Variants in DNAJC1 observed in about 807,000 individuals in gnomAD.
The protein encoded by DNAJC1 is DnaJ heat shock protein family (Hsp40) member C1.
Under a neutral mutation model 76.6 loss-of-function variants are expected in DNAJC1, and 58 were observed. The observed-to-expected ratio is 0.76, with a 90% confidence interval of 0.61 to 0.94. The LOEUF (loss-of-function observed/expected upper bound fraction) is 0.94. Ranked by LOEUF, DNAJC1 falls within the 40% of genes least tolerant of loss-of-function variation. The pLI, the probability that DNAJC1 is intolerant of heterozygous loss-of-function variation, is 0.00. For missense variants in DNAJC1, 689 were observed against 677.3 expected, an observed-to-expected ratio of 1.02 and a Z score of -0.19; for synonymous variants, 258 against 267.9, an observed-to-expected ratio of 0.96 and a Z score of 0.36.
At chr10:21,919,971 T>C (rs962921428) in intron 4 of DNAJC1, 42 bp from the exon 5 acceptor site, 7 of 1,275,230 alleles carry the variant, frequency 5.5e-6, no homozygotes, top group Admixed American at 4.2e-5. Context: ...ATCATTAACA[T>C]GTACACTTCA....
At chr10:21,911,859 C>T (rs1037082513) in intron 6 of DNAJC1, among the ~76,000 whole-genome samples, 10 of 152,124 alleles carry the variant, frequency 6.6e-5, no homozygotes, top group African/African-American at 2.2e-4. Context: ...GGATATTCAG[C>T]GCTTTTTAAA....
intron 8 of DNAJC1, among the ~76,000 whole-genome samples, chr10:21,846,250 A>G (rs1348742914): frequency 6.6e-6 from 1 of 152,194 alleles, no homozygotes; most frequent in African/African-American, 2.4e-5. Context: ...TAAATAATAA[A>G]CAAACATTAA....
At chr10:21,837,775 G>A (rs1361150546) in intron 8 of DNAJC1, among the ~76,000 whole-genome samples, 1 of 147,714 alleles carries the variant, frequency 6.8e-6, no homozygotes, top group Non-Finnish European at 1.5e-5. Flanking sequence ...GTCCAGGAGG[G>A]AGGTAGGGGG....
chr10:21,941,204 G>C (rs1837404639), intron 1 of DNAJC1, among the ~76,000 whole-genome samples: 1 of 141,176 alleles, frequency 7.1e-6, no homozygotes, highest in African/African-American at 2.6e-5. Context: ...GGTAGGCAGA[G>C]CTTGCAGTGA....
intron 9 of DNAJC1, among the ~76,000 whole-genome samples, chr10:21,779,018 C>T (rs916168352): frequency 2.3e-4 from 35 of 152,328 alleles, no homozygotes; most frequent in Non-Finnish European, 4.3e-4. Context: ...GGTCTGAGAT[C>T]GAACTGCAAG....
At chr10:21,987,335 G>T (rs564143168) in intron 1 of DNAJC1, among the ~76,000 whole-genome samples, 1 of 152,276 alleles carries the variant, frequency 6.6e-6, no homozygotes, top group East Asian at 1.9e-4. Flanking sequence ...TAAGCACTAT[G>T]AGGATTTAAA....
intron 7 of DNAJC1, among the ~76,000 whole-genome samples, chr10:21,883,109 G>A (rs769494797): frequency 7.2e-5 from 11 of 152,060 alleles, no homozygotes; most frequent in South Asian, 2.1e-4. Flanking sequence ...AATTAGCTGC[G>A]TGTGGTGGTA....
intron 1 of DNAJC1, among the ~76,000 whole-genome samples, chr10:21,976,096 A>C (rs1303475565): frequency 6.6e-6 from 1 of 152,230 alleles, no homozygotes; most frequent in Non-Finnish European, 1.5e-5. Flanking sequence ...TTTAAGAGAA[A>C]CTTTGAATCT....
chr10:21,973,632 G>T (rs1398411148), intron 1 of DNAJC1, among the ~76,000 whole-genome samples: 2 of 151,766 alleles, frequency 1.3e-5, no homozygotes, highest in African/African-American at 4.9e-5. Context: ...TTGGGTAAAA[G>T]AACTGTGTTT....
chr10:21,835,802 G>T lies in DNAJC1; in HGVS notation c.979-29703C>A, dbSNP rs1027716525. Among the ~76,000 whole-genome samples the T allele has an allele frequency of 2.0e-5, 3 of 152,150 alleles. No individual in the cohort carries two copies. In the South Asian group the frequency reaches 6.2e-4, roughly 32 times the overall value. Reference sequence around the variant, plus strand: ...AAAAGAATGAAAAGAAACGAACAAAGCCTCCAAGAAATATGGGACCATGTG... The same window carrying T: ...AAAAGAATGAAAAGAAACGAACAAATCCTCCAAGAAATATGGGACCATGTG... On this transcript the variant is annotated intron_variant, in intron 8 of 11. Coordinates refer to ENST00000376980, the MANE Select transcript of DNAJC1 (RefSeq NM_022365.4).
At chr10:21,882,830 TA>T (rs1036781384) in intron 7 of DNAJC1, among the ~76,000 whole-genome samples, 2 of 152,152 alleles carry the variant, frequency 1.3e-5, no homozygotes, top group East Asian at 3.9e-4. Flanking sequence ...TTCTCATCTA[TA>T]AAAAAAACCT....
intron 7 of DNAJC1, among the ~76,000 whole-genome samples, chr10:21,898,817 G>C (rs1836593167): frequency 6.6e-6 from 1 of 150,804 alleles, no homozygotes; most frequent in Non-Finnish European, 1.5e-5. Flanking sequence ...TTACTTTAGA[G>C]AGTATTCCTT....
At chr10:21,842,565 C>T (rs866978816) in intron 8 of DNAJC1, among the ~76,000 whole-genome samples, 3 of 152,162 alleles carry the variant, frequency 2.0e-5, no homozygotes, top group African/African-American at 4.8e-5. Context: ...GTACACTGAA[C>T]GCCATCTTAT....
chr10:21,997,350 C>G (rs1437857803), intron 1 of DNAJC1, among the ~76,000 whole-genome samples: 1 of 152,174 alleles, frequency 6.6e-6, no homozygotes, highest in Non-Finnish European at 1.5e-5. Context: ...AATGTGATGG[C>G]CAAATGGGCT....
intron 1 of DNAJC1, among the ~76,000 whole-genome samples, chr10:21,963,626 G>A (rs1837838875): frequency 6.6e-6 from 1 of 152,112 alleles, no homozygotes; most frequent in East Asian, 1.9e-4. Context: ...TACTCACTGG[G>A]TCCAACCATA....
At chr10:21,817,898 C>T (rs974428404) in intron 8 of DNAJC1, among the ~76,000 whole-genome samples, 11 of 152,152 alleles carry the variant, frequency 7.2e-5, no homozygotes, top group Non-Finnish European at 1.0e-4. Context: ...CTCTTAACCC[C>T]GTCATTTTCG....
chr10:21,815,441 T>C (rs1450680142), intron 8 of DNAJC1, among the ~76,000 whole-genome samples: 2 of 152,180 alleles, frequency 1.3e-5, no homozygotes, highest in Middle Eastern at 3.2e-3. Flanking sequence ...AACATACTGA[T>C]ATTCTGATAA....
intron 8 of DNAJC1, among the ~76,000 whole-genome samples, chr10:21,821,246 C>T (rs1182874024): frequency 6.6e-6 from 1 of 152,144 alleles, no homozygotes; most frequent in African/African-American, 2.4e-5. Flanking sequence ...TCTGTTTCCT[C>T]AGGCCTGCTC....
At chr10:21,770,395 C>CTTTTT (rs34881959) in intron 9 of DNAJC1, among the ~76,000 whole-genome samples, 10 of 107,530 alleles carry the variant, frequency 9.3e-5, no homozygotes, top group Non-Finnish European at 1.6e-4. Context: ...TTTTTTTCTT[C>CTTTTT]TTTTTTTTTT....
Sources: allele counts gnomAD v4.1 joint callset (sites outside exome capture counted in the v4.1 genomes callset), GRCh38; gene constraint gnomAD v4.1.1; transcripts MANE v1.5; gene names NCBI Gene and HGNC (gene_info 2026-07-23, HGNC 2026-07-21).